SLC25A48: variants seen among roughly 807,000 people sequenced by gnomAD.
SLC25A48 encodes solute carrier family 25 member 48, also known as CTC-321K16.1.
Under a neutral mutation model 32.2 loss-of-function variants are expected in SLC25A48, and 29 were observed. The observed-to-expected ratio is 0.90, with a 90% CI of 0.67 to 1.23. The LOEUF is 1.23. SLC25A48 is among the 50% of genes most tolerant of loss of function. SLC25A48 has a pLI of 0.00. For synonymous variants in SLC25A48, 164 were observed against 172.3 expected, an observed-to-expected ratio of 0.95 and a Z score of 0.38; for missense variants, 399 against 422.7, an observed-to-expected ratio of 0.94 and a Z score of 0.49.
chr5:135,807,831 CTG>C (rs978296090), intron 3 of SLC25A48, among the ~76,000 whole-genome samples: 39 of 149,988 alleles, frequency 2.6e-4, no homozygotes, highest in African/African-American at 8.0e-4. Context: ...TGTGTTAACA[CTG>C]TGTGTTAACT....
chr5:135,657,938 C>T (rs1010016069), intron 3 of SLC25A48, among the ~76,000 whole-genome samples: 3 of 152,142 alleles, frequency 2.0e-5, no homozygotes, highest in Non-Finnish European at 1.5e-5. Context: ...TAATCCACTC[C>T]CACCAGGTCC....
intron 3 of SLC25A48, among the ~76,000 whole-genome samples, chr5:135,695,432 C>T (rs1754242705): frequency 1.3e-5 from 2 of 152,240 alleles, no homozygotes; most frequent in African/African-American, 4.8e-5. Context: ...GCTGGGTTTC[C>T]TGGGATCAGA....
chr5:135,723,256 G>A (rs946923224), intron 3 of SLC25A48, among the ~76,000 whole-genome samples: 6 of 152,100 alleles, frequency 3.9e-5, no homozygotes, highest in African/African-American at 7.2e-5. Flanking sequence ...TTTCATTGGC[G>A]AATCAATTCA....
intron 3 of SLC25A48, among the ~76,000 whole-genome samples, chr5:135,708,622 C>T (rs1289101576): frequency 6.6e-6 from 1 of 152,228 alleles, no homozygotes; most frequent in African/African-American, 2.4e-5. Flanking sequence ...CCAGGGCAAC[C>T]CTGGACCACA....
chr5:135,624,746 C>A (rs1752405024), intron 1 of SLC25A48, among the ~76,000 whole-genome samples: 2 of 152,178 alleles, frequency 1.3e-5, no homozygotes, highest in African/African-American at 4.8e-5. Flanking sequence ...TCTGTAGATA[C>A]ATAGAAAAGA....
chr5:135,606,650 G>GA (rs1271275490), intron 1 of SLC25A48, among the ~76,000 whole-genome samples: 2 of 152,144 alleles, frequency 1.3e-5, no homozygotes, highest in Non-Finnish European at 2.9e-5. Flanking sequence ...CTTTGTCTCT[G>GA]AAATACCCAG....
intron 1 of SLC25A48, among the ~76,000 whole-genome samples, chr5:135,612,313 A>G (rs933388362): frequency 2.0e-5 from 3 of 151,530 alleles, no homozygotes; most frequent in Admixed American, 2.0e-4. Context: ...TGCTGAATGC[A>G]TAGAATGTAT....
At chr5:135,582,393 C>T (rs975374801) in intron 1 of SLC25A48, among the ~76,000 whole-genome samples, 3 of 151,998 alleles carry the variant, frequency 2.0e-5, no homozygotes, top group Non-Finnish European at 4.4e-5. Flanking sequence ...AGGTCAGTGT[C>T]CTGGAGGGTG....
intron 3 of SLC25A48, among the ~76,000 whole-genome samples, chr5:135,651,035 A>G (rs1020467302): frequency 3.3e-5 from 5 of 151,878 alleles, no homozygotes; most frequent in Admixed American, 1.3e-4. Context: ...GCTTGTTGAT[A>G]ATGGAGGTGG....
intron 3 of SLC25A48, among the ~76,000 whole-genome samples, chr5:135,639,489 G>A (rs551398927): frequency 1.5e-3 from 224 of 152,274 alleles, no homozygotes; most frequent in African/African-American, 5.0e-3. Context: ...AGGAGTCCTC[G>A]GATTCTTGGC....
chr5:135,590,568 C>T (rs1751497485), intron 1 of SLC25A48, among the ~76,000 whole-genome samples: 1 of 152,150 alleles, frequency 6.6e-6, no homozygotes, highest in Admixed American at 6.5e-5. Context: ...ACCTGGTTCC[C>T]TTAAGCTCGG....
intron 7 of SLC25A48, among the ~76,000 whole-genome samples, chr5:135,887,452 A>ATGTG (rs372688192): frequency 0.031 from 4,642 of 149,714 alleles, 80 homozygotes; most frequent in Middle Eastern, 0.041. Flanking sequence ...AAAAATACAT[A>ATGTG]TGTGTGTGTG....
intron 3 of SLC25A48, among the ~76,000 whole-genome samples, chr5:135,745,341 G>A (rs966902658): frequency 2.0e-5 from 3 of 152,184 alleles, no homozygotes; most frequent in South Asian, 4.1e-4. Context: ...GGAACACCTT[G>A]AGCGGTTTTC....
At chr5:135,721,481 G>A (rs1754955131) in intron 3 of SLC25A48, among the ~76,000 whole-genome samples, 1 of 152,034 alleles carries the variant, frequency 6.6e-6, no homozygotes, top group Non-Finnish European at 1.5e-5. Context: ...GGGATTACAG[G>A]TGTGAACCAC....
chr5:135,810,613 C>T (rs1479880048), intron 3 of SLC25A48, among the ~76,000 whole-genome samples: 1 of 152,164 alleles, frequency 6.6e-6, no homozygotes, highest in Non-Finnish European at 1.5e-5. Flanking sequence ...ATGACTGGCT[C>T]CTCTCTTTCT....
intron 3 of SLC25A48, chr5:135,649,064 T>G (rs1022857048): frequency 6.6e-6 from 1 of 152,250 alleles, no homozygotes; most frequent in Non-Finnish European, 1.5e-5. Context: ...GTTGCCAGCT[T>G]TGGATTCTTG....
chr5:135,865,817 C>T (rs775818440), intron 4 of SLC25A48, among the ~76,000 whole-genome samples: 11 of 152,096 alleles, frequency 7.2e-5, no homozygotes, highest in Non-Finnish European at 1.2e-4. Context: ...GTGGTCCAAC[C>T]CATCGAACAG....
intron 3 of SLC25A48, among the ~76,000 whole-genome samples, chr5:135,760,696 G>A (rs532429081): frequency 7.7e-4 from 118 of 152,274 alleles, no homozygotes; most frequent in Non-Finnish European, 1.1e-3. Context: ...AAATTGAGCC[G>A]ATTGTCGGCC....
At chr5:135,659,605 T>C (rs1753340339) in intron 3 of SLC25A48, among the ~76,000 whole-genome samples, 1 of 152,214 alleles carries the variant, frequency 6.6e-6, no homozygotes, top group African/African-American at 2.4e-5. Flanking sequence ...CTGGTACCAA[T>C]TTTCTTGTAT....
Sources: gnomAD v4.1 joint callset for allele counts (sites outside exome capture counted in the v4.1 genomes callset) on GRCh38, gnomAD v4.1.1 for gene constraint, MANE v1.5 for transcripts, NCBI Gene and HGNC (gene_info 2026-07-23, HGNC 2026-07-21) for gene names.